Variants in MAD1L1 observed in about 807,000 individuals in gnomAD.
The protein encoded by MAD1L1 is mitotic arrest deficient 1 like 1.
In MAD1L1, 95 loss-of-function variants were observed where a neutral mutation model predicts 96.9. That is an observed-to-expected ratio of 0.98 (90% CI 0.83 to 1.16). The LOEUF (loss-of-function observed/expected upper bound fraction) is 1.16. Among genes scored for constraint, MAD1L1 ranks in the 50% most tolerant of loss-of-function variants. The probability of loss-of-function intolerance (pLI) is 0.00; values close to 1 mark genes in which losing one functional copy is unlikely to be tolerated. For missense variants in MAD1L1, 1,007 were observed against 954.4 expected (o/e 1.06, Z -0.73); for synonymous variants, 473 against 396.6 (o/e 1.19, Z -2.29).
At position 1,980,505 on chromosome 7, in the gene MAD1L1, T is replaced by G. The variant is rs571741927; in HGVS notation, c.1453A>C (p.Ser485Arg). The change falls in exon 15 of 19, where the codon AGC becomes CGC. Residue 485 changes from serine to arginine, a missense_variant. Ser to Arg is a moderately radical substitution (Grantham distance 110). Coordinates refer to ENST00000265854, the MANE Select transcript of MAD1L1 (RefSeq NM_001013836.2). ...MELKMLKSQS[S>R]SAEQSFLFSR... ...AACAGGAAGCTCTGTTCGGCAGAGC[T>G]GGACTGAGACTTCAGCATCTTCAGC... 1 of 1,603,164 alleles carries G rather than the reference T, an allele frequency of 6.2e-7. No homozygotes were observed.
chr7:1,919,313 C>T (rs750241054), intron 17 of MAD1L1, among the ~76,000 whole-genome samples: 8 of 152,264 alleles, frequency 5.3e-5, no homozygotes, highest in Non-Finnish European at 1.0e-4. Flanking sequence ...ACGGCTGCCC[C>T]GGCCTCAGAT....
At chr7:1,826,781 G>C (rs1458246145) in intron 18 of MAD1L1, among the ~76,000 whole-genome samples, 1 of 152,232 alleles carries the variant, frequency 6.6e-6, no homozygotes, top group Non-Finnish European at 1.5e-5. Flanking sequence ...GGGGAAAATA[G>C]CTCAGCCAAT....
At chr7:2,209,840 G>A (rs1285395335) in intron 10 of MAD1L1, 4 of 152,424 alleles carry the variant, frequency 2.6e-5, no homozygotes, top group Non-Finnish European at 5.9e-5. Flanking sequence ...CCACGGCTGA[G>A]AGGAGGGGAT....
intron 12 of MAD1L1, among the ~76,000 whole-genome samples, chr7:2,041,444 C>T (rs1783669914): frequency 1.3e-5 from 2 of 152,212 alleles, no homozygotes; most frequent in Admixed American, 1.3e-4. Flanking sequence ...CAGCTCATCA[C>T]ATTCATGCTA....
rs1786934630 is a variant in MAD1L1 at position 2,103,650 on chromosome 7, G to A, written c.1074-34312C>T. Among the ~76,000 whole-genome samples, 1 of 152,190 alleles carries A rather than the reference G, an allele frequency of 6.6e-6. No individual in the cohort carries two copies. The highest frequency in any genetic ancestry group is 2.4e-5 in the African/African-American group (1 of 41,456). Reference sequence around the variant, plus strand: ...CAGCACAGCCAGAACACTGAGACTCGATCCCACAGGGGAGAAGGAGGGAGC... The same window carrying A: ...CAGCACAGCCAGAACACTGAGACTCAATCCCACAGGGGAGAAGGAGGGAGC... On this transcript the variant is annotated intron_variant, in intron 11 of 18. Coordinates refer to ENST00000265854, the MANE Select transcript of MAD1L1 (RefSeq NM_001013836.2). This position sits in a 1 kb window ranked among gnomAD's most constrained non-coding sequence, Gnocchi z 4.3.
intron 18 of MAD1L1, among the ~76,000 whole-genome samples, chr7:1,870,374 C>A: frequency 6.9e-6 from 1 of 144,024 alleles, no homozygotes; most frequent in Non-Finnish European, 1.5e-5. Context: ...CCAACATACG[C>A]TTGCCATGCT....
In MAD1L1 at chr7:1,856,737, G is replaced by A. The variant is rs61252329; in HGVS notation, c.1999-40509C>T. 1.7e-3 allele frequency among the ~76,000 whole-genome samples: 252 copies of A among 152,152 alleles called. 1 individual carries two copies. Among genetic ancestry groups the A allele is most frequent in the African/African-American group, 5.5e-3 (228 of 41,548 alleles). On this transcript the variant is annotated intron_variant, in intron 18 of 18. Coordinates refer to ENST00000265854, the MANE Select transcript of MAD1L1 (RefSeq NM_001013836.2). ...AGACCAGTCCCTGCTTCCTGCCAGC[G>A]GCAGGGCCCACGCGCACCCCGCGTG...
chr7:1,956,460 G>A (rs1172897732), intron 16 of MAD1L1, among the ~76,000 whole-genome samples: 2 of 152,110 alleles, frequency 1.3e-5, no homozygotes, highest in East Asian at 3.9e-4. Context: ...CCATATCACG[G>A]CATAAACATC....
At chr7:2,126,159 C>G (rs929641720) in intron 11 of MAD1L1, among the ~76,000 whole-genome samples, 1 of 152,190 alleles carries the variant, frequency 6.6e-6, no homozygotes, top group African/African-American at 2.4e-5. Flanking sequence ...GCCATATGGC[C>G]TAGGTTCCTG....
At chr7:1,985,045 C>G (rs1237688689) in intron 14 of MAD1L1, among the ~76,000 whole-genome samples, 2 of 152,226 alleles carry the variant, frequency 1.3e-5, no homozygotes, top group African/African-American at 4.8e-5. Context: ...ACATCATCCT[C>G]CCTGTTGAAC....
At chr7:2,200,204 C>T (rs1036091055) in intron 10 of MAD1L1, 1 of 152,510 alleles carries the variant, frequency 6.6e-6, no homozygotes, top group African/African-American at 2.4e-5. Flanking sequence ...CCCAACCACC[C>T]CACACCCGCC....
intron 11 of MAD1L1, among the ~76,000 whole-genome samples, chr7:2,098,542 C>G (rs1036655623): frequency 6.6e-6 from 1 of 152,190 alleles, no homozygotes; most frequent in Non-Finnish European, 1.5e-5. Flanking sequence ...TGTGTATGGT[C>G]TCTTGCCTGG....
intron 17 of MAD1L1, among the ~76,000 whole-genome samples, chr7:1,904,236 T>C (rs1247723994): frequency 4.1e-5 from 6 of 146,610 alleles, no homozygotes; most frequent in South Asian, 4.3e-4. Flanking sequence ...GAAGAAGCTC[T>C]TGCGGAACTC....
intron 14 of MAD1L1, chr7:1,980,765 T>G: frequency 3.1e-6 from 2 of 643,926 alleles, no homozygotes; most frequent in Non-Finnish European, 3.0e-6. Flanking sequence ...ATCTCCTGAA[T>G]AGCAACAGAT....
intron 12 of MAD1L1, among the ~76,000 whole-genome samples, chr7:2,056,679 G>C (rs1784401140): frequency 6.6e-6 from 1 of 152,142 alleles, no homozygotes; most frequent in Non-Finnish European, 1.5e-5. Flanking sequence ...TTATCACAGA[G>C]GGGTGAAGGA....
chr7:1,895,265 T>A (rs1208453432), intron 18 of MAD1L1, among the ~76,000 whole-genome samples: 1 of 152,184 alleles, frequency 6.6e-6, no homozygotes, highest in East Asian at 1.9e-4. Context: ...TTGGCAACCA[T>A]GATGGATGTG....
intron 12 of MAD1L1, among the ~76,000 whole-genome samples, chr7:2,056,983 A>G (rs984611967): frequency 2.0e-5 from 3 of 152,214 alleles, no homozygotes; most frequent in Non-Finnish European, 4.4e-5. Flanking sequence ...GCAGATGGAC[A>G]CAGCTCTCCC....
chr7:2,158,244 G>A (rs1789935744), intron 10 of MAD1L1, among the ~76,000 whole-genome samples: 1 of 152,238 alleles, frequency 6.6e-6, no homozygotes, highest in Non-Finnish European at 1.5e-5. Flanking sequence ...TCCGAGGCGA[G>A]AGCAGCTCCA....
chr7:2,041,521 C>T (rs1362066995), intron 12 of MAD1L1, among the ~76,000 whole-genome samples: 1 of 152,154 alleles, frequency 6.6e-6, no homozygotes, highest in African/African-American at 2.4e-5. Context: ...CTGTTCCCCA[C>T]ACTCCCTTTA....
Sources: allele counts gnomAD v4.1 joint callset (sites outside exome capture counted in the v4.1 genomes callset), GRCh38; gene constraint gnomAD v4.1.1; non-coding constraint Gnocchi (gnomAD v3.1); transcripts MANE v1.5; gene names NCBI Gene and HGNC (gene_info 2026-07-23, HGNC 2026-07-21).